PPFIA2: variants seen among roughly 807,000 people sequenced by gnomAD.
PPFIA2 encodes the protein PPFI scaffold protein A2.
Under a neutral mutation model 175.5 loss-of-function variants are expected in PPFIA2, and 46 were observed. The observed-to-expected ratio is 0.26, with a 90% CI of 0.21 to 0.34. The LOEUF (loss-of-function observed/expected upper bound fraction) is 0.34, where lower values mean the gene tolerates loss of function less well. Ranked by LOEUF, PPFIA2 falls within the 10% of genes least tolerant of loss-of-function variation. The pLI, the probability that PPFIA2 is intolerant of heterozygous loss-of-function variation, is 1.00. For synonymous variants in PPFIA2, 568 were observed against 511.4 expected, an observed-to-expected ratio of 1.11 and a Z score of -1.49; for missense variants, 1,179 against 1,506.1, an observed-to-expected ratio of 0.78 and a Z score of 3.60.
At chr12:81,636,714 G>A (rs1304012152) in intron 4 of PPFIA2, among the ~76,000 whole-genome samples, 1 of 152,032 alleles carries the variant, frequency 6.6e-6, no homozygotes, top group African/African-American at 2.4e-5. Flanking sequence ...GTACAGTGGC[G>A]CAAGCTCAGC....
intron 19 of PPFIA2, among the ~76,000 whole-genome samples, chr12:81,343,572 A>G (rs1921042): frequency 0.74 from 112,304 of 151,974 alleles, 43,790 homozygotes; most frequent in Non-Finnish European, 0.88. Context: ...GAGTGTTCCA[A>G]TGTTTGGGTG....
intron 4 of PPFIA2, among the ~76,000 whole-genome samples, chr12:81,468,205 T>C (rs901030425): frequency 6.6e-6 from 1 of 152,222 alleles, no homozygotes; most frequent in African/African-American, 2.4e-5. Context: ...CTTCAGCCAA[T>C]TAATGCTCTT....
At chr12:81,603,419 A>T (rs117414551) in intron 4 of PPFIA2, among the ~76,000 whole-genome samples, 14,289 of 151,718 alleles carry the variant, frequency 0.094, 848 homozygotes, top group South Asian at 0.16. Context: ...GGTAAACCAG[A>T]ACTTGGTCTT....
chr12:81,482,673 G>A (rs969932186), intron 4 of PPFIA2, among the ~76,000 whole-genome samples: 9 of 151,992 alleles, frequency 5.9e-5, no homozygotes, highest in African/African-American at 1.7e-4. Flanking sequence ...CACTCATAAC[G>A]GGGAGCTGAA....
rs1307634717 is a variant in PPFIA2, at chr12:81,593,145, C to A, written c.303+83646G>T. Among the ~76,000 whole-genome samples, 6 of 152,116 alleles carry A rather than the reference C, an allele frequency of 3.9e-5. No homozygotes were observed. The East Asian group carries it at 1.2e-3, about 29-fold the overall frequency. ...CTATTTCAGGTGCTAATCCTATCTG[C>A]CAAGTATGAGACTATATACAATAAA... is the stretch of plus-strand genomic sequence containing the variant. On this transcript the variant is annotated intron_variant, in intron 4 of 32. Coordinates refer to ENST00000549396, the MANE Select transcript of PPFIA2 (RefSeq NM_003625.5).
intron 16 of PPFIA2, among the ~76,000 whole-genome samples, chr12:81,355,864 T>C (rs1566399087): frequency 6.6e-6 from 1 of 152,206 alleles, no homozygotes; most frequent in Non-Finnish European, 1.5e-5. Context: ...TGTTTATCAC[T>C]AAATGATCAA....
intron 22 of PPFIA2, chr12:81,311,957 T>C: frequency 1.7e-6 from 1 of 576,056 alleles, no homozygotes. Flanking sequence ...CCCAAAAGCT[T>C]ACATAATTAA....
At chr12:81,497,804 G>T (rs1220111189) in intron 4 of PPFIA2, among the ~76,000 whole-genome samples, 1 of 152,146 alleles carries the variant, frequency 6.6e-6, no homozygotes, top group Non-Finnish European at 1.5e-5. Context: ...CTCCCAAAAT[G>T]CTGGGATTAC....
intron 12 of PPFIA2, 117 bp from the exon 13 acceptor site, chr12:81,368,973 A>G (rs1407315860): frequency 1.5e-6 from 2 of 1,335,610 alleles, no homozygotes; most frequent in African/African-American, 1.5e-5. Flanking sequence ...AAAGTGGTGG[A>G]AACATTTTAT....
chr12:81,302,339 G>C (rs2048056832), intron 22 of PPFIA2: 1 of 240,158 alleles, frequency 4.2e-6, no homozygotes, highest in Non-Finnish European at 8.6e-6. Context: ...GTGAGAATTT[G>C]GTTAAGAGGC....
intron 4 of PPFIA2, among the ~76,000 whole-genome samples, chr12:81,653,078 C>T (rs2067254937): frequency 6.6e-6 from 1 of 152,114 alleles, no homozygotes; most frequent in South Asian, 2.1e-4. Flanking sequence ...CCACCACTTA[C>T]CTGAACTCCT....
intron 4 of PPFIA2, among the ~76,000 whole-genome samples, chr12:81,511,622 G>A (rs1299799646): frequency 1.3e-5 from 2 of 151,964 alleles, no homozygotes; most frequent in South Asian, 2.1e-4. Flanking sequence ...GGGGAAAAAC[G>A]AAAAACAACC....
intron 4 of PPFIA2, among the ~76,000 whole-genome samples, chr12:81,498,930 G>A (rs1047421867): frequency 6.6e-6 from 1 of 152,172 alleles, no homozygotes; most frequent in Admixed American, 6.6e-5. Context: ...GCATCATGGG[G>A]ATTGTAAAAT....
chr12:81,342,904 A>G (rs1282812214), intron 19 of PPFIA2, among the ~76,000 whole-genome samples: 1 of 151,538 alleles, frequency 6.6e-6, no homozygotes, highest in Non-Finnish European at 1.5e-5. Context: ...ATACATATGT[A>G]ACTAACCGGC....
chr12:81,548,217 C>T (rs1470662013), intron 4 of PPFIA2, among the ~76,000 whole-genome samples: 1 of 152,090 alleles, frequency 6.6e-6, no homozygotes, highest in African/African-American at 2.4e-5. Context: ...ACTCTAAGCT[C>T]TATTTACTGC....
intron 4 of PPFIA2, among the ~76,000 whole-genome samples, chr12:81,562,615 A>C (rs1187002030): frequency 1.3e-5 from 2 of 151,836 alleles, no homozygotes; most frequent in Non-Finnish European, 2.9e-5. Context: ...TGGGAGGCCG[A>C]GGCGGGCGGA....
At chr12:81,717,367 T>C (rs910040293) in intron 3 of PPFIA2, among the ~76,000 whole-genome samples, 1 of 151,718 alleles carries the variant, frequency 6.6e-6, no homozygotes, top group Non-Finnish European at 1.5e-5. Context: ...CCATAGATCA[T>C]AGTTTGCTAG....
intron 7 of PPFIA2, chr12:81,431,030 T>C (rs2048009284): frequency 6.6e-6 from 1 of 152,182 alleles, no homozygotes; most frequent in South Asian, 2.1e-4. Flanking sequence ...ATTGGTAAAT[T>C]CAGTGGTTGG....
At chr12:81,670,351 G>A (rs1390971165) in intron 4 of PPFIA2, among the ~76,000 whole-genome samples, 3 of 151,854 alleles carry the variant, frequency 2.0e-5, no homozygotes, top group African/African-American at 7.2e-5. Flanking sequence ...CCACAAAAAT[G>A]ATTCATCCAA....
Sources: gnomAD v4.1 joint callset for allele counts (sites outside exome capture counted in the v4.1 genomes callset) on GRCh38, gnomAD v4.1.1 for gene constraint, MANE v1.5 for transcripts, NCBI Gene and HGNC (gene_info 2026-07-23, HGNC 2026-07-21) for gene names.